SLC14A2: variants seen among roughly 807,000 people sequenced by gnomAD.
SLC14A2 encodes the protein solute carrier family 14 member 2, also known as urea transporter 2.
In SLC14A2, 91 loss-of-function variants were observed where a neutral mutation model predicts 104.6. That is an observed-to-expected ratio of 0.87 (90% CI 0.73 to 1.04). The LOEUF (loss-of-function observed/expected upper bound fraction) is 1.04, where lower values mean the gene tolerates loss of function less well. SLC14A2 is among the 50% of genes least tolerant of loss of function. The probability of loss-of-function intolerance (pLI) is 0.00; values close to 1 mark genes in which losing one functional copy is unlikely to be tolerated. For missense variants in SLC14A2, 1,189 were observed against 1,156.0 expected (o/e 1.03, Z -0.41); for synonymous variants, 476 against 466.4 (o/e 1.02, Z -0.27).
chr18:45,176,986 T>A, the SLC14A2 span, among the ~76,000 whole-genome samples: 1 of 152,152 alleles, frequency 6.6e-6, no homozygotes, highest in Non-Finnish European at 1.5e-5. Flanking sequence ...CTAATTGCAA[T>A]CTTACTAAAA....
At chr18:45,514,486 G>A (rs1002034888) in intron 2 of SLC14A2, among the ~76,000 whole-genome samples, 3 of 152,144 alleles carry the variant, frequency 2.0e-5, no homozygotes, top group African/African-American at 7.2e-5. Context: ...ATTTGGGTGG[G>A]GACATAGAGC....
chr18:45,529,358 C>A (rs925724247), intron 2 of SLC14A2: 3 of 152,026 alleles, frequency 2.0e-5, no homozygotes, highest in Non-Finnish European at 4.4e-5. Context: ...CATATGAAAC[C>A]CTATATGAAA....
intron 4 of SLC14A2, 34 bp downstream of exon 4, chr18:45,627,181 G>A (rs780693534): frequency 1.9e-5 from 30 of 1,585,110 alleles, no homozygotes; most frequent in Non-Finnish European, 2.6e-5. Context: ...TTAGCAAGAT[G>A]TGTGGAACAG....
chr18:45,224,984 T>G (rs977959888), intron 1 of SLC14A2, among the ~76,000 whole-genome samples: 3 of 152,196 alleles, frequency 2.0e-5, no homozygotes, highest in African/African-American at 7.2e-5. Flanking sequence ...ATGCAGAAGC[T>G]CTTTAGTTTA....
At chr18:45,492,328 A>G (rs1255186594) in intron 2 of SLC14A2, among the ~76,000 whole-genome samples, 1 of 152,218 alleles carries the variant, frequency 6.6e-6, no homozygotes, top group Non-Finnish European at 1.5e-5. Context: ...TGCGTAGTTT[A>G]TAAACAAAGG....
At chr18:45,494,859 G>A (rs2043063724) in intron 2 of SLC14A2, among the ~76,000 whole-genome samples, 1 of 150,992 alleles carries the variant, frequency 6.6e-6, no homozygotes, top group Non-Finnish European at 1.5e-5. Context: ...GCCCGTTCTT[G>A]GTCTAAGGAA....
At chr18:45,205,924 A>T in the SLC14A2 span, among the ~76,000 whole-genome samples, 1 of 152,254 alleles carries the variant, frequency 6.6e-6, no homozygotes, top group East Asian at 1.9e-4. Context: ...GGGGGATCCC[A>T]AAGAAAAGAG....
intron 1 of SLC14A2, among the ~76,000 whole-genome samples, chr18:45,328,749 A>AG (rs1210232183): frequency 6.6e-6 from 1 of 152,208 alleles, no homozygotes; most frequent in Non-Finnish European, 1.5e-5. Context: ...GGAGCACTGG[A>AG]GGAGGAGCCA....
At chr18:45,654,078 T>C (rs549757305) in intron 10 of SLC14A2, among the ~76,000 whole-genome samples, 2 of 151,686 alleles carry the variant, frequency 1.3e-5, no homozygotes, top group East Asian at 3.9e-4. Flanking sequence ...GGGGGAACCA[T>C]GGTAGCTGAA....
At position 45,626,824 on chromosome 18, in the gene SLC14A2, C is replaced by G; in HGVS notation, c.332-134C>G. The G allele has an allele frequency of 6.0e-6, 3 of 499,620 alleles. 1 individual carries two copies. The highest frequency in any genetic ancestry group is 1.1e-5 in the Non-Finnish European group (3 of 285,040). The allele number at this position is 499,620 out of a possible 1,614,324, so 30.9% of individuals were successfully genotyped here. A position where few individuals can be genotyped will look rare whatever the true frequency, so the allele number is the denominator to read the frequency against. Reference sequence around the variant, plus strand: ...CCCCTCTACCCCCACCCCTCCACCCCGACCCCTGGCCTGGCTGAATGGGAA... The same window carrying G: ...CCCCTCTACCCCCACCCCTCCACCCGGACCCCTGGCCTGGCTGAATGGGAA... On this transcript the variant is annotated intron_variant, in intron 3 of 19. Transcript: ENST00000255226.
chr18:45,218,083 G>A (rs2084026679), intron 1 of SLC14A2, among the ~76,000 whole-genome samples: 1 of 152,084 alleles, frequency 6.6e-6, no homozygotes, highest in African/African-American at 2.4e-5. Flanking sequence ...TGGGCATTAA[G>A]CACATTCACA....
chr18:45,177,278 C>A, the SLC14A2 span, among the ~76,000 whole-genome samples: 1 of 152,140 alleles, frequency 6.6e-6, no homozygotes, highest in Admixed American at 6.6e-5. Flanking sequence ...GGTTGACACC[C>A]TAATTCATGT....
chr18:45,174,019 C>T, the SLC14A2 span, among the ~76,000 whole-genome samples: 2 of 152,208 alleles, frequency 1.3e-5, no homozygotes, highest in African/African-American at 4.8e-5. Flanking sequence ...TCACTTTAAA[C>T]GGTATTATGG....
the SLC14A2 span, among the ~76,000 whole-genome samples, chr18:45,178,252 CAA>C: frequency 6.6e-6 from 1 of 151,816 alleles, no homozygotes; most frequent in South Asian, 2.1e-4. Context: ...AATATAGAAA[CAA>C]GATGAAAATT....
chr18:45,319,780 C>A (rs1307979529), intron 1 of SLC14A2, among the ~76,000 whole-genome samples: 1 of 152,202 alleles, frequency 6.6e-6, no homozygotes, highest in African/African-American at 2.4e-5. Flanking sequence ...CACCTCACAT[C>A]ACTGTGCTGG....
chr18:45,383,520 G>A (rs2144388911), intron 1 of SLC14A2, among the ~76,000 whole-genome samples: 1 of 152,282 alleles, frequency 6.6e-6, no homozygotes, highest in South Asian at 2.1e-4. Flanking sequence ...CCACTCACCA[G>A]TACAAAGTCT....
intron 7 of SLC14A2, 54 bp downstream of exon 7, chr18:45,639,947 T>C (rs1167418221): frequency 2.3e-5 from 35 of 1,518,734 alleles, no homozygotes; most frequent in Middle Eastern, 3.4e-4. Flanking sequence ...TCAAGGTCAC[T>C]TTTCCCCTAC....
At chr18:45,662,979 C>T (rs2045957689) in intron 10 of SLC14A2, among the ~76,000 whole-genome samples, 1 of 152,154 alleles carries the variant, frequency 6.6e-6, no homozygotes, top group Non-Finnish European at 1.5e-5. Context: ...GAGACCCTAT[C>T]CCAAGTGATA....
At chr18:45,641,110 C>A in intron 7 of SLC14A2, 99 bp from the exon 8 acceptor site, 4 of 1,319,986 alleles carry the variant, frequency 3.0e-6, no homozygotes, top group Non-Finnish European at 2.1e-6. Context: ...GTGGGGTGAA[C>A]AACAGCATGG....
Sources: allele counts gnomAD v4.1 joint callset (sites outside exome capture counted in the v4.1 genomes callset), GRCh38; gene constraint gnomAD v4.1.1; transcripts MANE v1.5; gene names NCBI Gene and HGNC (gene_info 2026-07-23, HGNC 2026-07-21).